TTC34: variants seen among roughly 807,000 people sequenced by gnomAD.
TTC34 encodes the protein tetratricopeptide repeat protein 34.
TTC34 carries 44 observed loss-of-function variants against 40.7 expected under a neutral mutation model. The ratio of observed to expected loss-of-function variants is 1.08; its 90% confidence interval spans 0.85 to 1.39. The LOEUF (loss-of-function observed/expected upper bound fraction) is 1.39, where lower values mean the gene tolerates loss of function less well. Ranked by LOEUF, TTC34 falls within the 40% of genes most tolerant of loss-of-function variation. The pLI, the probability that TTC34 is intolerant of heterozygous loss-of-function variation, is 0.00. For synonymous variants in TTC34, 422 were observed against 398.6 expected (o/e 1.06, Z -0.70); for missense variants, 884 against 838.0 (o/e 1.05, Z -0.68).
At chr1:2,778,778 T>C (rs879592115) in intron 6 of TTC34, among the ~76,000 whole-genome samples, 1 of 152,064 alleles carries the variant, frequency 6.6e-6, no homozygotes, top group Non-Finnish European at 1.5e-5. Flanking sequence ...CCATCTTAAT[T>C]AATTATCTTT....
At chr1:2,777,274 C>A (rs1449240375) in intron 6 of TTC34, among the ~76,000 whole-genome samples, 1 of 129,828 alleles carries the variant, frequency 7.7e-6, no homozygotes, top group South Asian at 3.1e-4. Flanking sequence ...ATCTGACAAC[C>A]TGGAGCAGCA....
At chr1:2,691,141 C>T (rs540668199) in intron 6 of TTC34, among the ~76,000 whole-genome samples, 1 of 70,842 alleles carries the variant, frequency 1.4e-5, no homozygotes, top group African/African-American at 4.7e-5. Flanking sequence ...GAACCCACAC[C>T]GCCAGGGGAG....
At chr1:2,651,206 T>C (rs1360440490) in intron 6 of TTC34, among the ~76,000 whole-genome samples, 1 of 151,864 alleles carries the variant, frequency 6.6e-6, no homozygotes, top group Non-Finnish European at 1.5e-5. Flanking sequence ...AAGGTGAGCA[T>C]CTGACTGCCT....
chr1:2,783,906 TG>T lies in TTC34; in HGVS notation c.2060-132del, dbSNP rs1028400092. ...CTACCTTGGGGAGCTCACAGGCCAC[TG>T]GGCACCAAGACAGACAGAGACAGGG... On this transcript the variant is annotated intron_variant, in intron 5 of 8. Coordinates refer to ENST00000401095, the Ensembl canonical transcript of TTC34. The T allele has an allele frequency of 1.8e-5, 15 of 832,386 alleles. No individual in the cohort carries two copies. In the Admixed American group the frequency reaches 4.5e-4, roughly 25 times the overall value. 51.6% of individuals were successfully genotyped at this position (832,386 alleles called of 1,614,324 possible).
chr1:2,787,714 G>T lies in TTC34; in HGVS notation c.1629-8C>A. The T allele has an allele frequency of 6.5e-7, 1 of 1,534,006 alleles. No homozygotes were observed. Among genetic ancestry groups the T allele is most frequent in the Non-Finnish European group, 8.8e-7 (1 of 1,135,482 alleles). ...TGCACGCCGCAGGCGACCCTGTGTG[G>T]AGATCAGCTCAGGGGGGCATGCCCC... On this transcript the variant is annotated splice_polypyrimidine_tract_variant and splice_region_variant and intron_variant, in intron 3 of 8. Coordinates refer to ENST00000401095, the Ensembl canonical transcript of TTC34.
At chr1:2,764,341 C>A (rs1470051745) in intron 6 of TTC34, among the ~76,000 whole-genome samples, 2 of 141,306 alleles carry the variant, frequency 1.4e-5, no homozygotes, top group African/African-American at 5.3e-5. Flanking sequence ...AGCGCCCACA[C>A]CCCCAAGTGA....
At position 2,787,463 on chromosome 1, in the gene TTC34, C is replaced by A. The variant is rs921971612; in HGVS notation, c.1854+18G>T. On this transcript the variant is annotated intron_variant, in intron 4 of 8. Coordinates refer to ENST00000401095, the Ensembl canonical transcript of TTC34. ...GCCCATTTCCACCTGCCCTCTGTCA[C>A]CCCCCAGGCCTCCTCACCTGGTTGG... The A allele has an allele frequency of 2.1e-6, 3 of 1,449,878 alleles. No homozygotes were observed. The highest frequency in any genetic ancestry group is 2.5e-5 in the East Asian group (1 of 39,678). 89.8% of individuals were successfully genotyped at this position (1,449,878 alleles called of 1,614,324 possible).
chr1:2,783,861 G>A, intron 5 of TTC34, 86 bp from the exon 6 acceptor site: 14 of 1,274,854 alleles, frequency 1.1e-5, no homozygotes, highest in Non-Finnish European at 1.4e-5. Context: ...GGAGGGCAGA[G>A]GGTGCATGAG....
rs1049584939 is a variant in TTC34, at chr1:2,687,110, A to G, written c.2227-41547T>C. Among the ~76,000 whole-genome samples, 19 of 140,074 alleles carry G rather than the reference A, an allele frequency of 1.4e-4. 3 individuals are homozygous for G. Among genetic ancestry groups the G allele is most frequent in the African/African-American group, 5.5e-4 (18 of 33,010 alleles). 91.9% of individuals were successfully genotyped at this position (140,074 alleles called of 152,430 possible). A position where few individuals can be genotyped will look rare whatever the true frequency, so the allele number is the denominator to read the frequency against. ...CCCAGGTGAACATCCGACATCGTGGAGTAGCACCCCACACCCACAGGTGAG... is the reference window on the plus strand; with the variant it reads ...CCCAGGTGAACATCCGACATCGTGGGGTAGCACCCCACACCCACAGGTGAG... On this transcript the variant is annotated intron_variant, in intron 6 of 8. Transcript: ENST00000401095.
At chr1:2,656,458 C>G (rs1331356627) in intron 6 of TTC34, among the ~76,000 whole-genome samples, 2 of 56,576 alleles carry the variant, frequency 3.5e-5, no homozygotes. Context: ...ACCCTGCACC[C>G]CCAGGTGCGC....
rs1640439884 is a variant in TTC34, at chr1:2,687,924, C to A, written c.2227-42361G>T. On this transcript the variant is annotated intron_variant, in intron 6 of 8. Coordinates refer to ENST00000401095, the Ensembl canonical transcript of TTC34. ...ATCTGACAGACTGGAACAGCACCCA[C>A]ACGCCCAGGTGAGCCTCTGACAGCC... Among the ~76,000 whole-genome samples the A allele has an allele frequency of 2.7e-5, 4 of 148,200 alleles. No homozygotes were observed. The South Asian group carries it at 8.4e-4, about 31-fold the overall frequency.
In TTC34 at chr1:2,645,029, C is replaced by A. The variant is rs556549524; in HGVS notation, c.2497+264G>T. ...GAATGAGGGGGCTGAGGGTCCAAGA[C>A]CTTTCAAAGACCAAGATCACCCCTC... On this transcript the variant is annotated intron_variant, in intron 7 of 8. Transcript: ENST00000401095. The surrounding 1 kb of genome is among the most constrained non-coding windows in gnomAD (Gnocchi z 4.7). 1.6e-4 allele frequency among the ~76,000 whole-genome samples: 24 copies of A among 152,204 alleles called. No individual in the cohort carries two copies. The South Asian group carries it at 4.8e-3, about 30-fold the overall frequency.
intron 6 of TTC34, among the ~76,000 whole-genome samples, chr1:2,687,470 G>A (rs1210107145): frequency 3.4e-5 from 5 of 148,776 alleles, no homozygotes; most frequent in Admixed American, 1.3e-4. Flanking sequence ...CCGACAGCCT[G>A]GAACAGCACC....
intron 6 of TTC34, among the ~76,000 whole-genome samples, chr1:2,688,158 G>C (rs572116631): frequency 3.4e-5 from 5 of 147,512 alleles, no homozygotes; most frequent in African/African-American, 1.3e-4. Flanking sequence ...GCCTGGAAGG[G>C]CACCCACACC....
intron 6 of TTC34, among the ~76,000 whole-genome samples, chr1:2,681,867 C>G (rs1162183262): frequency 2.4e-4 from 28 of 117,604 alleles, no homozygotes; most frequent in Non-Finnish European, 3.2e-4. Flanking sequence ...ACCCACACGC[C>G]CAGGTGAGCA....
chr1:2,688,464 C>A (rs551064473), intron 6 of TTC34, among the ~76,000 whole-genome samples: 1,405 of 101,174 alleles, frequency 0.014, 28 homozygotes, highest in Non-Finnish European at 0.017. Flanking sequence ...AGGTGAACAT[C>A]CGACATTGTG....
At chr1:2,749,848 C>G (rs1247874715) in intron 6 of TTC34, among the ~76,000 whole-genome samples, 185 of 18,788 alleles carry the variant, frequency 9.8e-3, no homozygotes, top group East Asian at 0.041. Flanking sequence ...CCCACACCCC[C>G]AGGTGAACAT....
At chr1:2,683,632 C>T (rs1159072565) in intron 6 of TTC34, among the ~76,000 whole-genome samples, 2 of 146,610 alleles carry the variant, frequency 1.4e-5, no homozygotes, top group Non-Finnish European at 3.0e-5. Context: ...AGCACCCACA[C>T]CCCCAGGTGA....
At chr1:2,678,010 C>G (rs1383873567) in intron 6 of TTC34, among the ~76,000 whole-genome samples, 8 of 32,516 alleles carry the variant, frequency 2.5e-4, no homozygotes, top group East Asian at 2.3e-3. Context: ...GCAGCACCCA[C>G]AACCCCAAGT....
Sources: allele counts gnomAD v4.1 joint callset (sites outside exome capture counted in the v4.1 genomes callset), GRCh38; gene constraint gnomAD v4.1.1; non-coding constraint Gnocchi (gnomAD v3.1); transcripts MANE v1.5; gene names NCBI Gene and HGNC (gene_info 2026-07-23, HGNC 2026-07-21).